The following DYNC1H1 variants were observed in gnomAD, a reference collection of about 807,000 sequenced individuals.
DYNC1H1 encodes the protein dynein cytoplasmic 1 heavy chain 1.
Under a neutral mutation model 527.1 loss-of-function variants are expected in DYNC1H1, and 51 were observed. The ratio of observed to expected loss-of-function variants is 0.10; its 90% CI spans 0.08 to 0.12. The LOEUF is 0.12. Ranked by LOEUF, DYNC1H1 falls within the 10% of genes least tolerant of loss-of-function variation. The pLI is 1.00. For synonymous variants in DYNC1H1, 2,189 were observed against 2,278.8 expected (o/e 0.96, Z 1.12); for missense variants, 2,771 against 5,971.8 (o/e 0.46, Z 17.66).
intron 12 of DYNC1H1, 74 bp from the exon 13 acceptor site, chr14:101,994,599 G>A (rs905431514): frequency 1.3e-6 from 2 of 1,569,566 alleles, no homozygotes; most frequent in Non-Finnish European, 1.7e-6. Flanking sequence ...TTAATGGAAT[G>A]TGAACATAAG....
At position 102,027,310 on chromosome 14, in the gene DYNC1H1, T is replaced by C. The variant is rs776587919; in HGVS notation, c.8886+22T>C. On this transcript the variant is annotated intron_variant, in intron 45 of 77. Transcript: ENST00000360184. This position sits in a 1 kb window ranked among gnomAD's most constrained non-coding sequence, Gnocchi z 7.7. The stretch of plus-strand genomic sequence containing the variant: ...TAAGGTGCGTCTGGTCGGTGGCCTC[T>C]TAATCCCAGCAACAGATGTGTGTGC... 6.2e-6 allele frequency: 10 copies of C among 1,613,998 alleles called. No homozygotes were observed. In the Admixed American group the frequency reaches 8.3e-5, roughly 13 times the overall value.
At chr14:101,988,346 A>G (rs1004246060) in intron 9 of DYNC1H1, among the ~76,000 whole-genome samples, 1 of 152,168 alleles carries the variant, frequency 6.6e-6, no homozygotes, top group Non-Finnish European at 1.5e-5. Context: ...ACAAGTGGGG[A>G]TGGGTAGAAG....
chr14:102,002,222 C>T lies in DYNC1H1; in HGVS notation c.4543-315C>T, dbSNP rs17540992. On this transcript the variant is annotated intron_variant, in intron 21 of 77. Coordinates refer to ENST00000360184, the MANE Select transcript of DYNC1H1 (RefSeq NM_001376.5). This position sits in a 1 kb window ranked among gnomAD's most constrained non-coding sequence, Gnocchi z 4.4. ...GCCTCCCGGGTTGAAGTGATTCTCC[C>T]GCCTCAGCCTCCCAAGTAGCTGGGA... Among the ~76,000 whole-genome samples, 200 of 151,960 alleles carry T rather than the reference C, an allele frequency of 1.3e-3. No homozygotes were observed. Among genetic ancestry groups the T allele is most frequent in the Non-Finnish European group, 1.7e-3 (118 of 67,974 alleles).
chr14:102,014,139 A>G (rs2048292347), intron 34 of DYNC1H1, among the ~76,000 whole-genome samples: 1 of 152,174 alleles, frequency 6.6e-6, no homozygotes, highest in Admixed American at 6.5e-5. Flanking sequence ...TTGTGAGGCA[A>G]TTACAGCTCC....
rs1159611956 is a variant in DYNC1H1, at chr14:102,047,173, G to GTAACAA, written c.13007-642_13007-637dup. The stretch of plus-strand genomic sequence containing the variant: ...TTTTAACAGTCATGTTCTCGACCTG[G>GTAACAA]TAACAATTCTTATTCTGTATCTGTC... On this transcript the variant is annotated intron_variant, in intron 72 of 77. Coordinates refer to ENST00000360184, the MANE Select transcript of DYNC1H1 (RefSeq NM_001376.5). Among the ~76,000 whole-genome samples the GTAACAA allele has an allele frequency of 5.3e-5, 8 of 152,096 alleles. No individual in the cohort carries two copies. The South Asian group carries it at 1.0e-3, about 20-fold the overall frequency.
In DYNC1H1 at chr14:101,983,835, GC is replaced by G. The variant is rs1375678158; in HGVS notation, c.1461+229del. On this transcript the variant is annotated intron_variant, in intron 7 of 77. Transcript: ENST00000360184. The surrounding 1 kb of genome is among the most constrained non-coding windows in gnomAD (Gnocchi z 5.3). ...TGGGATTACAGGTGCCTGCCACCAC[GC>G]CCGGCTAATTGTTTATATTTTGAGT... Among the ~76,000 whole-genome samples the G allele has an allele frequency of 6.6e-6, 1 of 151,972 alleles. No individual in the cohort carries two copies. The highest frequency in any genetic ancestry group is 2.4e-5 in the African/African-American group (1 of 41,356).
chr14:102,039,796 C>A lies in DYNC1H1; in HGVS notation c.11690+64C>A, dbSNP rs2152595360. The A allele has an allele frequency of 1.3e-6, 2 of 1,493,776 alleles. No homozygotes were observed. Among genetic ancestry groups the A allele is most frequent in the South Asian group, 2.3e-5 (2 of 87,956 alleles). 92.5% of individuals were successfully genotyped at this position (1,493,776 alleles called of 1,614,324 possible). A position where few individuals can be genotyped will look rare whatever the true frequency, so the allele number is the denominator to read the frequency against. ...TGGTGGCCCCCAAGGGTTTCATGAT[C>A]AGATACATGCTTTTATTATTTCTTT... On this transcript the variant is annotated intron_variant, in intron 62 of 77. Transcript: ENST00000360184. This position sits in a 1 kb window ranked among gnomAD's most constrained non-coding sequence, Gnocchi z 7.0.
At chr14:101,981,673 T>C (rs1335745122) in intron 5 of DYNC1H1, among the ~76,000 whole-genome samples, 1 of 152,246 alleles carries the variant, frequency 6.6e-6, no homozygotes, top group African/African-American at 2.4e-5. Flanking sequence ...ACCTTCCGGT[T>C]ACTTAGATCA....
intron 73 of DYNC1H1, 26 bp from the exon 74 acceptor site, chr14:102,048,490 C>A: frequency 6.2e-7 from 1 of 1,614,078 alleles, no homozygotes; most frequent in Admixed American, 1.7e-5. Flanking sequence ...TTCCTAACTT[C>A]TCTTCACCCT....
chr14:101,966,375 G>T (rs2047668024), intron 1 of DYNC1H1, among the ~76,000 whole-genome samples: 1 of 151,484 alleles, frequency 6.6e-6, no homozygotes, highest in Non-Finnish European at 1.5e-5. Context: ...TGTGATGTTT[G>T]GGATTATGTA....
In DYNC1H1 at chr14:101,964,986, C is replaced by G; in HGVS notation, c.256+39C>G. The G allele has an allele frequency of 6.4e-7, 1 of 1,565,324 alleles. No homozygotes were observed. Among genetic ancestry groups the G allele is most frequent in the South Asian group, 1.2e-5 (1 of 85,992 alleles). On this transcript the variant is annotated intron_variant, in intron 1 of 77. Transcript: ENST00000360184. The surrounding 1 kb of genome is among the most constrained non-coding windows in gnomAD (Gnocchi z 5.5). Reference sequence around the variant, plus strand: ...GAGGGCAGGGTCGCCAGAGCCAGGCCTCGCGGAATGCAGGGCCTGCCAGGT... The same window carrying G: ...GAGGGCAGGGTCGCCAGAGCCAGGCGTCGCGGAATGCAGGGCCTGCCAGGT...
At chr14:102,000,691 C>T in intron 18 of DYNC1H1, 1 of 500,832 alleles carries the variant, frequency 2.0e-6, no homozygotes, top group Non-Finnish European at 3.6e-6. Flanking sequence ...TCTCCTGCCT[C>T]AGCCTCCCTA....
chr14:102,016,855 C>T lies in DYNC1H1; in HGVS notation c.7704C>T (p.Val2568=), dbSNP rs1490150218. The T allele has an allele frequency of 5.0e-6, 8 of 1,614,136 alleles. No individual in the cohort carries two copies. Among genetic ancestry groups the T allele is most frequent in the Non-Finnish European group, 6.8e-6 (8 of 1,180,036 alleles). The part of the protein sequence containing the change: ...ETHKVAAPDV[V]VPTLDTVRHE... ...ACAAGGTGGCAGCCCCTGATGTCGT[C>T]GTGCCAACGCTGGACACAGTCCGCC... is the stretch of plus-strand genomic sequence containing the variant. The change falls in exon 38 of 78, where the codon GTC becomes GTT. Residue 2568 remains valine, a synonymous_variant. Coordinates refer to ENST00000360184, the MANE Select transcript of DYNC1H1 (RefSeq NM_001376.5). The surrounding 1 kb of genome is among the most constrained non-coding windows in gnomAD (Gnocchi z 7.3).
At chr14:101,969,652 C>G (rs184368674) in intron 1 of DYNC1H1, 1 of 152,440 alleles carries the variant, frequency 6.6e-6, no homozygotes, top group East Asian at 1.9e-4. Flanking sequence ...GAAAACAAAC[C>G]TAGCTACCAG....
At position 101,965,532 on chromosome 14, in the gene DYNC1H1, C is replaced by T. The variant is rs979553239; in HGVS notation, c.256+585C>T. On this transcript the variant is annotated intron_variant, in intron 1 of 77. Coordinates refer to ENST00000360184, the MANE Select transcript of DYNC1H1 (RefSeq NM_001376.5). The surrounding 1 kb of genome is among the most constrained non-coding windows in gnomAD (Gnocchi z 4.1). ...GTGGGGACCCAGAGGCCGAGGCCCA[C>T]AGAGCGACGGTGCCAGCCCCGGGCC... 6.6e-6 allele frequency among the ~76,000 whole-genome samples: 1 copy of T among 152,176 alleles called. No individual in the cohort carries two copies. The highest frequency in any genetic ancestry group is 2.4e-5 in the African/African-American group (1 of 41,448).
Position 102,047,641 on chromosome 14 carries a change from G to GTGTGTATATA in DYNC1H1, c.13007-175_13007-174insGTGTATATAT. 122 of 316,728 alleles carry GTGTGTATATA rather than the reference G, an allele frequency of 3.9e-4. 3 individuals are homozygous for GTGTGTATATA. Among genetic ancestry groups the GTGTGTATATA allele is most frequent in the African/African-American group, 3.6e-3 (91 of 25,526 alleles). 19.6% of individuals were successfully genotyped at this position (316,728 alleles called of 1,614,324 possible). A position where few individuals can be genotyped will look rare whatever the true frequency, so the allele number is the denominator to read the frequency against. ...TACACGTGTGTGTGTGTGTGTGTGT[G>GTGTGTATATA]TATATATATATATATATATATATGT... is the stretch of plus-strand genomic sequence containing the variant. On this transcript the variant is annotated intron_variant, in intron 72 of 77. Coordinates refer to ENST00000360184, the MANE Select transcript of DYNC1H1 (RefSeq NM_001376.5).
In DYNC1H1 at chr14:101,970,473, G is replaced by GTTTT. The variant is rs958653217; in HGVS notation, c.257-5215_257-5212dup. Among the ~76,000 whole-genome samples, 291 of 81,422 alleles carry GTTTT rather than the reference G, an allele frequency of 3.6e-3. 2 individuals carry two copies. Among genetic ancestry groups the GTTTT allele is most frequent in the Non-Finnish European group, 5.4e-3 (218 of 40,676 alleles). The allele number at this position is 81,422 out of a possible 152,430, so 53.4% of individuals were successfully genotyped here. ...GTATTAGTATGTTTGGTTTGTTGTT[G>GTTTT]TTTTTTTTTTTTTTTTTTTTTTTTT... On this transcript the variant is annotated intron_variant, in intron 1 of 77. Transcript: ENST00000360184.
At chr14:101,968,474 T>C (rs1470145235) in intron 1 of DYNC1H1, among the ~76,000 whole-genome samples, 1 of 151,826 alleles carries the variant, frequency 6.6e-6, no homozygotes, top group African/African-American at 2.4e-5. Flanking sequence ...GCTCAAGCAA[T>C]ACTTCCACCT....
chr14:101,970,410 G>A (rs2047719548), intron 1 of DYNC1H1, among the ~76,000 whole-genome samples: 1 of 147,406 alleles, frequency 6.8e-6, no homozygotes, highest in Admixed American at 6.8e-5. Flanking sequence ...GGGAGGCCGT[G>A]TATAATAGTG....
Sources: allele counts gnomAD v4.1 joint callset (sites outside exome capture counted in the v4.1 genomes callset), GRCh38; gene constraint gnomAD v4.1.1; non-coding constraint Gnocchi (gnomAD v3.1); transcripts MANE v1.5; gene names NCBI Gene and HGNC (gene_info 2026-07-23, HGNC 2026-07-21).